OPCML: variants seen among roughly 807,000 people sequenced by gnomAD.
OPCML encodes the protein opioid-binding protein/cell adhesion molecule.
OPCML carries 13 observed loss-of-function variants against 37.8 expected under a neutral mutation model. The observed-to-expected ratio is 0.34, with a 90% CI of 0.22 to 0.55. The LOEUF (loss-of-function observed/expected upper bound fraction) is 0.55. OPCML is among the 20% of genes least tolerant of loss of function. The probability of loss-of-function intolerance (pLI) is 0.91; values close to 1 mark genes in which losing one functional copy is unlikely to be tolerated. For synonymous variants in OPCML, 176 were observed against 168.8 expected (o/e 1.04, Z -0.33); for missense variants, 341 against 435.6 (o/e 0.78, Z 1.93).
chr11:132,463,349 T>TCTC (rs1273591327), intron 4 of OPCML, among the ~76,000 whole-genome samples: 1 of 152,186 alleles, frequency 6.6e-6, no homozygotes, highest in Non-Finnish European at 1.5e-5. Context: ...AGTTCTCAGA[T>TCTC]CTCTAAACCT....
intron 3 of OPCML, among the ~76,000 whole-genome samples, chr11:132,634,369 T>C (rs1940349019): frequency 6.6e-6 from 1 of 152,214 alleles, no homozygotes; most frequent in East Asian, 1.9e-4. Context: ...CATCTGCACA[T>C]GTGGAAAATT....
intron 2 of OPCML, among the ~76,000 whole-genome samples, chr11:132,883,162 A>G (rs1182798884): frequency 6.6e-6 from 1 of 152,196 alleles, no homozygotes; most frequent in East Asian, 1.9e-4. Flanking sequence ...CGCCTCATGC[A>G]ACACGTGAAT....
chr11:133,096,913 C>A (rs568731083), intron 1 of OPCML, among the ~76,000 whole-genome samples: 1 of 151,960 alleles, frequency 6.6e-6, no homozygotes, highest in Non-Finnish European at 1.5e-5. Flanking sequence ...CTGATAGAAC[C>A]GCAAGGAGAA....
rs1442296263 is a variant in OPCML, at chr11:133,174,079, G to T, written c.62-231069C>A. Among the ~76,000 whole-genome samples, 1 of 152,222 alleles carries T rather than the reference G, an allele frequency of 6.6e-6. No homozygotes were observed. Among genetic ancestry groups the T allele is most frequent in the Non-Finnish European group, 1.5e-5 (1 of 68,042 alleles). On this transcript the variant is annotated intron_variant, in intron 1 of 7. Transcript: ENST00000524381. This position sits in a 1 kb window ranked among gnomAD's most constrained non-coding sequence, Gnocchi z 4.6. ...AAATCAGGAACTAATTCAATCCTGTGAGATGCCTCGTTTGATTAATTTATG... is the reference window on the plus strand; with the variant it reads ...AAATCAGGAACTAATTCAATCCTGTTAGATGCCTCGTTTGATTAATTTATG...
chr11:133,160,182 C>T (rs1004893416), intron 1 of OPCML, among the ~76,000 whole-genome samples: 6 of 152,328 alleles, frequency 3.9e-5, no homozygotes, highest in Admixed American at 2.6e-4. Context: ...TATCTTGCCC[C>T]TAAGTCTCTC....
At chr11:133,275,132 G>C (rs541981660) in intron 1 of OPCML, among the ~76,000 whole-genome samples, 8 of 152,168 alleles carry the variant, frequency 5.3e-5, no homozygotes, top group Admixed American at 3.3e-4. Flanking sequence ...TGGGAGGCTG[G>C]GTAAATATTG....
Position 133,378,219 on chromosome 11 carries a change from G to A in OPCML, c.61+154045C>T, listed in dbSNP as rs560906970. ...ATCTTTTCCTTCCCTCTCCTAGGGC[G>A]TCTTCATTCAATGAAATCTTTGTGT... On this transcript the variant is annotated intron_variant, in intron 1 of 7. Transcript: ENST00000524381. 9.3e-4 allele frequency among the ~76,000 whole-genome samples: 141 copies of A among 152,012 alleles called. 1 individual carries two copies. The highest frequency in any genetic ancestry group is 3.2e-3 in the African/African-American group (132 of 41,434).
At chr11:133,053,216 G>A (rs923487967) in intron 1 of OPCML, among the ~76,000 whole-genome samples, 14 of 152,284 alleles carry the variant, frequency 9.2e-5, no homozygotes, top group Admixed American at 7.9e-4. Context: ...TTCTAGGTTT[G>A]CTGAAAAATG....
intron 2 of OPCML, among the ~76,000 whole-genome samples, chr11:132,845,810 T>C (rs1941504652): frequency 6.6e-6 from 1 of 152,286 alleles, no homozygotes; most frequent in East Asian, 1.9e-4. Context: ...TCCTACATTA[T>C]TATTATTTTT....
At position 132,484,612 on chromosome 11, in the gene OPCML, T is replaced by C. The variant is rs867513630; in HGVS notation, c.505+44449A>G. On this transcript the variant is annotated intron_variant, in intron 4 of 7. Coordinates refer to ENST00000524381, the MANE Select transcript of OPCML (RefSeq NM_001012393.5). ...TAAATCATGCTGCTATAAAGACACA[T>C]GCACACCTATGTTTATTGCGGCATT... Among the ~76,000 whole-genome samples the C allele has an allele frequency of 7.9e-5, 12 of 152,210 alleles. No homozygotes were observed. The South Asian group carries it at 2.3e-3, about 29-fold the overall frequency.
chr11:132,691,635 T>C (rs1943408417), intron 2 of OPCML, among the ~76,000 whole-genome samples: 1 of 152,182 alleles, frequency 6.6e-6, no homozygotes, highest in Non-Finnish European at 1.5e-5. Context: ...GTTTCAAGAA[T>C]TCTGTGCCAA....
intron 3 of OPCML, among the ~76,000 whole-genome samples, chr11:132,591,388 T>A (rs902806714): frequency 2.0e-5 from 3 of 152,240 alleles, no homozygotes; most frequent in African/African-American, 7.2e-5. Context: ...CACTAAGAAA[T>A]CTGCTTCATT....
intron 1 of OPCML, among the ~76,000 whole-genome samples, chr11:133,125,900 GTATA>G (rs964117850): frequency 1.2e-4 from 17 of 138,040 alleles, no homozygotes; most frequent in Non-Finnish European, 1.6e-4. Flanking sequence ...ATATACACAT[GTATA>G]TATAGACACA....
chr11:133,212,882 A>G lies in OPCML; in HGVS notation c.62-269872T>C, dbSNP rs559110010. Among the ~76,000 whole-genome samples the G allele has an allele frequency of 5.3e-5, 8 of 152,304 alleles. No homozygotes were observed. The South Asian group carries it at 1.7e-3, about 32-fold the overall frequency. On this transcript the variant is annotated intron_variant, in intron 1 of 7. Coordinates refer to ENST00000524381, the MANE Select transcript of OPCML (RefSeq NM_001012393.5). This position sits in a 1 kb window ranked among gnomAD's most constrained non-coding sequence, Gnocchi z 4.9. ...CCATACTCTAAAATTCCACGTTTGT[A>G]TCTGCGTCATGCCGTTAAACCACAC... is the stretch of plus-strand genomic sequence containing the variant.
intron 1 of OPCML, among the ~76,000 whole-genome samples, chr11:133,528,221 A>G (rs4130016): frequency 0.25 from 38,684 of 152,182 alleles, 5,955 homozygotes; most frequent in African/African-American, 0.4. Context: ...AGCTGATGCT[A>G]TCTCCTTCTC....
At position 133,390,350 on chromosome 11, in the gene OPCML, C is replaced by G. The variant is rs186176694; in HGVS notation, c.61+141914G>C. ...TGGTGGCGGGCGCCTGTAGTCCCAG[C>G]TACTCGGGAGGCTGAGGCAGGAAAA... On this transcript the variant is annotated intron_variant, in intron 1 of 7. Coordinates refer to ENST00000524381, the MANE Select transcript of OPCML (RefSeq NM_001012393.5). Among the ~76,000 whole-genome samples, 120 of 152,214 alleles carry G rather than the reference C, an allele frequency of 7.9e-4. 2 individuals carry two copies. Among genetic ancestry groups the G allele is most frequent in the Admixed American group, 3.7e-3 (57 of 15,298 alleles).
chr11:133,197,181 A>G (rs113510802), intron 1 of OPCML, among the ~76,000 whole-genome samples: 2,112 of 152,326 alleles, frequency 0.014, 16 homozygotes, highest in Non-Finnish European at 0.02. Context: ...TCTCCACTAC[A>G]CAATCTCTCT....
intron 1 of OPCML, among the ~76,000 whole-genome samples, chr11:133,495,909 G>A (rs949697787): frequency 2.0e-5 from 3 of 152,056 alleles, no homozygotes; most frequent in African/African-American, 7.2e-5. Context: ...GTTTAATTAG[G>A]TCCCAGCTAT....
At chr11:133,356,578 G>A (rs571948404) in intron 1 of OPCML, among the ~76,000 whole-genome samples, 8 of 152,246 alleles carry the variant, frequency 5.3e-5, no homozygotes, top group Non-Finnish European at 1.2e-4. Context: ...TGTTTAACTT[G>A]AGCCAATTAA....
Sources: allele counts gnomAD v4.1 joint callset (sites outside exome capture counted in the v4.1 genomes callset), GRCh38; gene constraint gnomAD v4.1.1; non-coding constraint Gnocchi (gnomAD v3.1); transcripts MANE v1.5; gene names NCBI Gene and HGNC (gene_info 2026-07-23, HGNC 2026-07-21).